FLG: variants seen among roughly 807,000 people sequenced by gnomAD.
FLG encodes the protein epidermal filaggrin.
In FLG, 6 loss-of-function variants were observed where a neutral mutation model predicts 3.8. The observed-to-expected ratio is 1.60, with a 90% confidence interval of 0.87 to 3.15. FLG has a LOEUF of 3.15. Among genes scored for constraint, FLG ranks in the 30% most tolerant of loss-of-function variants. The probability of loss-of-function intolerance (pLI) is 0.00; values close to 1 mark genes in which losing one functional copy is unlikely to be tolerated. For missense variants in FLG, 7,595 were observed against 5,050.9 expected, an observed-to-expected ratio of 1.50 and a Z score of -15.27; for synonymous variants, 2,551 against 1,931.6, an observed-to-expected ratio of 1.32 and a Z score of -8.41.
In FLG at chr1:152,311,123, C is replaced by A; in HGVS notation, c.3763G>T (p.Glu1255Ter). 6.2e-7 allele frequency: 1 copy of A among 1,613,882 alleles called. No individual in the cohort carries two copies. The highest frequency in any genetic ancestry group is 1.1e-5 in the South Asian group (1 of 91,062). Residue 1255 changes from glutamate (E) to a stop codon, truncating the protein, a stop_gained, in exon 3 of 3, where the codon GAA becomes TAA. Coordinates refer to ENST00000368799, the MANE Select transcript of FLG (RefSeq NM_002016.2). LOFTEE classifies it low-confidence loss of function (END_TRUNC). Reference protein sequence around the residue: ...DSSRHSQVGQEQSSGSRTSRH... With the variant: ...DSSRHSQVGQ Reference sequence around the variant, plus strand: ...CTTGTCCTGGACCCCGATGATTGTTCCTGTCCCACCTGTGAGTGTCTAGAG... The same window carrying A: ...CTTGTCCTGGACCCCGATGATTGTTACTGTCCCACCTGTGAGTGTCTAGAG...
rs558022638 is a variant in FLG, at chr1:152,309,777, T to G, written c.5109A>C (p.Ser1703=). The stretch of plus-strand genomic sequence containing the variant: ...GGTTTCCACTGTCTCCGACTACAGA[T>G]GAATCTTGTCTGCGCCCAGTGCCTG... ...TDSGTGRRQD[S]SVVGDSGNRG... Residue 1703 remains serine, a synonymous_variant, in exon 3 of 3, where the codon TCA becomes TCC. Coordinates refer to ENST00000368799, the MANE Select transcript of FLG (RefSeq NM_002016.2). 58 of 1,613,900 alleles carry G rather than the reference T, an allele frequency of 3.6e-5. No individual in the cohort carries two copies. The African/African-American group carries it at 6.5e-4, about 18-fold the overall frequency.
In FLG at chr1:152,312,348, C is replaced by T. The variant is rs569143026; in HGVS notation, c.2538G>A (p.Gly846=). 2.5e-6 allele frequency: 4 copies of T among 1,611,898 alleles called. No homozygotes were observed. The highest frequency in any genetic ancestry group is 2.7e-5 in the African/African-American group (2 of 74,436). ...ACCCCTGCCTTCCTCTTCTGCTTGACCCCGGGTGTCCACGAATGGTGTCCT... is the reference window on the plus strand; with the variant it reads ...ACCCCTGCCTTCCTCTTCTGCTTGATCCCGGGTGTCCACGAATGGTGTCCT... ...DGQDTIRGHP[G]SSRRGRQGSH... Residue 846 remains glycine, a synonymous_variant, in exon 3 of 3, where the codon GGG becomes GGA. Transcript: ENST00000368799.
In FLG at chr1:152,306,878, T is replaced by C; in HGVS notation, c.8008A>G (p.Ile2670Val). The change falls in exon 3 of 3, where the codon ATT (isoleucine) becomes GTT (valine). Residue 2670 changes from isoleucine to valine, a missense_variant. Coordinates refer to ENST00000368799, the MANE Select transcript of FLG (RefSeq NM_002016.2). ...QSADSSRHSG[I>V]GHGQASSAVR... Reference sequence around the variant, plus strand: ...GCAGATGAAGCTTGTCCGTGCCCAATGCCTGAGTGTCTGGAGCTGTCTGCT... The same window carrying C: ...GCAGATGAAGCTTGTCCGTGCCCAACGCCTGAGTGTCTGGAGCTGTCTGCT... The C allele has an allele frequency of 7.8e-7, 1 of 1,289,622 alleles. No homozygotes were observed. The highest frequency in any genetic ancestry group is 2.4e-5 in the East Asian group (1 of 41,822). The allele number at this position is 1,289,622 out of a possible 1,614,324, so 79.9% of individuals were successfully genotyped here.
rs748785456 is a variant in FLG at position 152,309,442 on chromosome 1, C to A, written c.5444G>T (p.Gly1815Val). ...TCCTCCTCTGCTTGACCCTGGGTGTCCACGAATGGTGTCCTGACCCTCTTG... is the reference window on the plus strand; with the variant it reads ...TCCTCCTCTGCTTGACCCTGGGTGTACACGAATGGTGTCCTGACCCTCTTG... ...ASQEGQDTIRGHPGSSRGGRQ... is the reference protein window; with the variant it reads ...ASQEGQDTIRVHPGSSRGGRQ... Residue 1815 changes from glycine to valine, a missense_variant, in exon 3 of 3, where the codon GGA becomes GTA. Physicochemically the swap from Gly to Val is moderately radical, Grantham distance 109. Transcript: ENST00000368799. 3 of 1,613,040 alleles carry A rather than the reference C, an allele frequency of 1.9e-6. No homozygotes were observed. In the East Asian group the frequency reaches 6.7e-5, roughly 36 times the overall value.
Position 152,309,464 on chromosome 1 carries a change from C to T in FLG, c.5422G>A (p.Glu1808Lys), listed in dbSNP as rs750597343. The T allele has an allele frequency of 6.2e-6, 10 of 1,613,046 alleles. No individual in the cohort carries two copies. Among genetic ancestry groups the T allele is most frequent in the Non-Finnish European group, 7.6e-6 (9 of 1,179,870 alleles). Residue 1808 changes from glutamate (E) to lysine (K), a missense_variant, in exon 3 of 3, where the codon GAG (glutamate) becomes AAG (lysine). Physicochemically the swap from Glu to Lys is moderately conservative, Grantham distance 56 (BLOSUM62 1). Coordinates refer to ENST00000368799, the MANE Select transcript of FLG (RefSeq NM_002016.2). ...TGTCCACGAATGGTGTCCTGACCCT[C>T]TTGGGACGCTGAGTGCCTGGAGCTG... ...RDSSRHSASQEGQDTIRGHPG... is the reference protein window; with the variant it reads ...RDSSRHSASQKGQDTIRGHPG...
At position 152,303,132 on chromosome 1, in the gene FLG, T is replaced by A; in HGVS notation, c.11754A>T (p.Val3918=). The part of the protein sequence containing the change: ...DTASHVQSSP[V]QSDSSTAKEH... ...CCTTAGCGGTACTAGAGTCTGACTGTACAGGTGAAGACTGTACATGACTGG... is the reference window on the plus strand; with the variant it reads ...CCTTAGCGGTACTAGAGTCTGACTGAACAGGTGAAGACTGTACATGACTGG... Residue 3918 remains valine (V), a synonymous_variant, in exon 3 of 3, where the codon GTA becomes GTT. Transcript: ENST00000368799. 6.2e-7 allele frequency: 1 copy of A among 1,614,196 alleles called. No individual in the cohort carries two copies. The highest frequency in any genetic ancestry group is 8.5e-7 in the Non-Finnish European group (1 of 1,180,024).
Position 152,303,396 on chromosome 1 carries a change from G to T in FLG, c.11490C>A (p.His3830Gln). The change falls in exon 3 of 3, where the codon CAC (histidine) becomes CAA (glutamine). Residue 3830 changes from histidine (H) to glutamine (Q), a missense_variant. Coordinates refer to ENST00000368799, the MANE Select transcript of FLG (RefSeq NM_002016.2). ...TGTCAGCCTGAGTGGAAGCTTCATG[G>T]TGACGCGACCCTGAGTGCCTGGAGC... is the stretch of plus-strand genomic sequence containing the variant. ...GDGSRHSGSR[H>Q]HEASTQADSS... 6.2e-7 allele frequency: 1 copy of T among 1,614,088 alleles called. No homozygotes were observed. Among genetic ancestry groups the T allele is most frequent in the Non-Finnish European group, 8.5e-7 (1 of 1,180,022 alleles).
In FLG at chr1:152,302,356, T is replaced by C. The variant is rs866141706; in HGVS notation, c.*344A>G. ...TTTATATTTTTGGCTCCTTCGATAT[T>C]TCTGAAAAAGATTAATTTAGAAATT... On this transcript the variant is annotated 3_prime_UTR_variant, in exon 3 of 3. Coordinates refer to ENST00000368799, the MANE Select transcript of FLG (RefSeq NM_002016.2). 3.4e-6 allele frequency: 1 copy of C among 296,688 alleles called. No individual in the cohort carries two copies. The highest frequency in any genetic ancestry group is 4.0e-5 in the South Asian group (1 of 25,198). The allele number at this position is 296,688 out of a possible 1,614,324, so 18.4% of individuals were successfully genotyped here.
chr1:152,311,634 CTG>C lies in FLG; in HGVS notation c.3250_3251del (p.Gln1084ValfsTer21), dbSNP rs1327598333. ...CATCCTGTCCATGGCCTGACACTGA[CTG>C]TGTGTCTGACTCCTCTGAATGTCCC... is the stretch of plus-strand genomic sequence containing the variant. ...SEGHSEESDT[Q>X]SVSGHGQDGP... On this transcript the variant is annotated frameshift_variant, in exon 3 of 3. Coordinates refer to ENST00000368799, the MANE Select transcript of FLG (RefSeq NM_002016.2). LOFTEE classifies it low-confidence loss of function (END_TRUNC). 4 of 1,614,140 alleles carry C rather than the reference CTG, an allele frequency of 2.5e-6. No individual in the cohort carries two copies. Among genetic ancestry groups the C allele is most frequent in the Non-Finnish European group, 3.4e-6 (4 of 1,180,030 alleles).
In FLG at chr1:152,309,063, G is replaced by A. The variant is rs200569761; in HGVS notation, c.5823C>T (p.Asn1941=). Residue 1941 remains asparagine, a synonymous_variant, in exon 3 of 3, where the codon AAC becomes AAT. Coordinates refer to ENST00000368799, the MANE Select transcript of FLG (RefSeq NM_002016.2). ...SERWSGSASR[N]HLGSAWEQSR... ...ACTGCTCCCAAGCAGATCCAAGATG[G>A]TTTCTGGAAGCAGACCCAGACCACC... The A allele has an allele frequency of 1.2e-4, 201 of 1,614,040 alleles. 2 individuals are homozygous for A. Among genetic ancestry groups the A allele is most frequent in the Non-Finnish European group, 1.7e-4 (198 of 1,180,022 alleles).
Position 152,312,362 on chromosome 1 carries a change from G to T in FLG, c.2524C>A (p.Arg842Ser). ...SASQDGQDTI[R>S]GHPGSSRRGR... ...CTTCTGCTTGACCCCGGGTGTCCAC[G>T]AATGGTGTCCTGACCATCTTGGGAT... The change falls in exon 3 of 3, where the codon CGT (arginine) becomes AGT (serine). Residue 842 changes from arginine (R) to serine (S), a missense_variant. Arg to Ser is a moderately radical substitution (Grantham distance 110). Transcript: ENST00000368799. 6.2e-7 allele frequency: 1 copy of T among 1,612,360 alleles called. No homozygotes were observed. The highest frequency in any genetic ancestry group is 8.5e-7 in the Non-Finnish European group (1 of 1,179,526).
rs200181463 is a variant in FLG at position 152,303,327 on chromosome 1, G to A, written c.11559C>T (p.Ser3853=). 5 of 1,614,070 alleles carry A rather than the reference G, an allele frequency of 3.1e-6. No homozygotes were observed. The highest frequency in any genetic ancestry group is 4.2e-6 in the Non-Finnish European group (5 of 1,180,020). ...TGGATCCCTGGCGCCTGCTTCTCCT[G>A]GACCCCGCTGATTCACCCTGGCCGG... The part of the protein sequence containing the change: ...SQSGQGESAG[S]RRSRRQGSSV... Residue 3853 remains serine, a synonymous_variant, in exon 3 of 3, where the codon TCC becomes TCT. Transcript: ENST00000368799.
At position 152,304,174 on chromosome 1, in the gene FLG, G is replaced by C. The variant is rs775664986; in HGVS notation, c.10712C>G (p.Ser3571Ter). The C allele has an allele frequency of 6.2e-7, 1 of 1,607,478 alleles. No homozygotes were observed. The highest frequency in any genetic ancestry group is 8.5e-7 in the Non-Finnish European group (1 of 1,179,082). ...RNHRGSAQEQ[S>*]RDGSRHPTSH... ...CGTGGGGTGTCTGGAGCCATCTCTT[G>C]ACTGCTCCTGAGCAGATCCACGATG... The change falls in exon 3 of 3, where the codon TCA (serine) becomes TGA (stop). Residue 3571 changes from serine to a stop codon, truncating the protein, a stop_gained. Transcript: ENST00000368799. LOFTEE classifies it low-confidence loss of function (END_TRUNC).
chr1:152,303,399 A>G lies in FLG; in HGVS notation c.11487T>C (p.Arg3829=), dbSNP rs1651721277. The change falls in exon 3 of 3, where the codon CGT becomes CGC. Residue 3829 remains arginine (R), a synonymous_variant. Coordinates refer to ENST00000368799, the MANE Select transcript of FLG (RefSeq NM_002016.2). ...CAGCCTGAGTGGAAGCTTCATGGTG[A>G]CGCGACCCTGAGTGCCTGGAGCCGT... ...SGDGSRHSGS[R]HHEASTQADS... is the part of the protein sequence containing the mutation. 1 of 1,613,920 alleles carries G rather than the reference A, an allele frequency of 6.2e-7. No individual in the cohort carries two copies. The highest frequency in any genetic ancestry group is 1.1e-5 in the South Asian group (1 of 91,078).
Position 152,312,350 on chromosome 1 carries a change from C to G in FLG, c.2536G>C (p.Gly846Arg). ...DGQDTIRGHP[G>R]SSRRGRQGSH... Reference sequence around the variant, plus strand: ...CCCTGCCTTCCTCTTCTGCTTGACCCCGGGTGTCCACGAATGGTGTCCTGA... The same window carrying G: ...CCCTGCCTTCCTCTTCTGCTTGACCGCGGGTGTCCACGAATGGTGTCCTGA... Residue 846 changes from glycine to arginine, a missense_variant, in exon 3 of 3, where the codon GGG becomes CGG. By Grantham distance (125) the Gly-to-Arg change is moderately radical (BLOSUM62 -2). Coordinates refer to ENST00000368799, the MANE Select transcript of FLG (RefSeq NM_002016.2). The G allele has an allele frequency of 6.2e-7, 1 of 1,611,920 alleles. No individual in the cohort carries two copies. The highest frequency in any genetic ancestry group is 8.5e-7 in the Non-Finnish European group (1 of 1,179,412).
Position 152,304,323 on chromosome 1 carries a change from G to C in FLG, c.10563C>G (p.Ser3521=), listed in dbSNP as rs138567818. 2.5e-6 allele frequency: 4 copies of C among 1,605,250 alleles called. 1 individual carries two copies. The highest frequency in any genetic ancestry group is 3.4e-6 in the Non-Finnish European group (4 of 1,176,134). The change falls in exon 3 of 3, where the codon TCC becomes TCG. Residue 3521 remains serine, a synonymous_variant. Coordinates refer to ENST00000368799, the MANE Select transcript of FLG (RefSeq NM_002016.2). The part of the protein sequence containing the change: ...TQADSSRHSQ[S]GQGQSAGPRT... ...TGGGCCCCGCTGATTGTCCCTGGCC[G>C]GACTGTGAGTGTCTAGAGCTGTCCG...
Position 152,310,362 on chromosome 1 carries a change from T to A in FLG, c.4524A>T (p.Ser1508=), listed in dbSNP as rs760272161. Residue 1508 remains serine, a synonymous_variant, in exon 3 of 3, where the codon TCA becomes TCT. Transcript: ENST00000368799. The part of the protein sequence containing the change: ...GGRQGSYHEQ[S]VDRSGHSGYH... ...ACCCTGAGTGTCCAGACCTATCTAC[T>A]GATTGCTCGTGGTAGGATCCCTGCC... 6.2e-7 allele frequency: 1 copy of A among 1,613,806 alleles called. No homozygotes were observed. The highest frequency in any genetic ancestry group is 8.5e-7 in the Non-Finnish European group (1 of 1,179,950).
Position 152,308,175 on chromosome 1 carries a change from C to T in FLG, c.6711G>A (p.Arg2237=), listed in dbSNP as rs756845204. 22 of 1,613,890 alleles carry T rather than the reference C, an allele frequency of 1.4e-5. No individual in the cohort carries two copies. The highest frequency in any genetic ancestry group is 1.7e-5 in the Non-Finnish European group (20 of 1,179,964). ...QGQSSGPRTS[R]PRGSSVSQDS... ...CCTGGCTAACACTGGATCCCCGGGGCCTGCTTGTCCTGGGCCCTGATGATT... is the reference window on the plus strand; with the variant it reads ...CCTGGCTAACACTGGATCCCCGGGGTCTGCTTGTCCTGGGCCCTGATGATT... Residue 2237 remains arginine, a synonymous_variant, in exon 3 of 3, where the codon AGG becomes AGA. Transcript: ENST00000368799.
chr1:152,305,036 C>A lies in FLG; in HGVS notation c.9850G>T (p.Gly3284Cys). ...SGTRHAETSS[G>C]GQAASSHEQA... The stretch of plus-strand genomic sequence containing the variant: ...TCATGGGATGATGCAGCCTGTCCAC[C>A]AGAGGAAGTCTCTGCGTGACGAGTG... Residue 3284 changes from glycine (G) to cysteine (C), a missense_variant, in exon 3 of 3, where the codon GGT (glycine) becomes TGT (cysteine). Coordinates refer to ENST00000368799, the MANE Select transcript of FLG (RefSeq NM_002016.2). 6.2e-7 allele frequency: 1 copy of A among 1,613,934 alleles called. No individual in the cohort carries two copies. Among genetic ancestry groups the A allele is most frequent in the Non-Finnish European group, 8.5e-7 (1 of 1,179,990 alleles).
Sources: gnomAD v4.1 joint callset for allele counts on GRCh38, gnomAD v4.1.1 for gene constraint, MANE v1.5 for transcripts, NCBI Gene and HGNC (gene_info 2026-07-23, HGNC 2026-07-21) for gene names.